SESTD1: variants seen among roughly 807,000 people sequenced by gnomAD.
SESTD1 encodes the protein SEC14 and spectrin domain containing 1.
Under a neutral mutation model 101.7 loss-of-function variants are expected in SESTD1, and 43 were observed. The ratio of observed to expected loss-of-function variants is 0.42; its 90% CI spans 0.33 to 0.55. The LOEUF is 0.55. Ranked by LOEUF, SESTD1 falls within the 20% of genes least tolerant of loss-of-function variation. SESTD1 has a pLI of 0.07. For missense variants in SESTD1, 647 were observed against 815.1 expected (o/e 0.79, Z 2.51); for synonymous variants, 283 against 286.8 (o/e 0.99, Z 0.13).
At chr2:179,240,753 C>T (rs1406169302) in intron 1 of SESTD1, among the ~76,000 whole-genome samples, 2 of 152,120 alleles carry the variant, frequency 1.3e-5, no homozygotes, top group Non-Finnish European at 2.9e-5. Flanking sequence ...TGTAAGGAGG[C>T]ATATAACACC....
chr2:179,149,682 G>A lies in SESTD1; in HGVS notation c.484-288C>T, dbSNP rs536724281. Among the ~76,000 whole-genome samples the A allele has an allele frequency of 3.9e-5, 6 of 152,154 alleles. No individual in the cohort carries two copies. In the South Asian group the frequency reaches 8.3e-4, roughly 21 times the overall value. On this transcript the variant is annotated intron_variant, in intron 6 of 17. Coordinates refer to ENST00000428443, the MANE Select transcript of SESTD1 (RefSeq NM_178123.5). ...TGTTTCTTTGAGAAACATTTGCATC[G>A]ATAACAGTTCTAACTACATACATGT...
chr2:179,162,603 G>A (rs1262381355), intron 5 of SESTD1: 1 of 152,038 alleles, frequency 6.6e-6, no homozygotes, highest in Non-Finnish European at 1.5e-5. Context: ...ATGCAGTGGT[G>A]GGTTTGTATC....
intron 1 of SESTD1, among the ~76,000 whole-genome samples, chr2:179,261,813 G>T (rs747578294): frequency 6.6e-6 from 1 of 152,124 alleles, no homozygotes; most frequent in Non-Finnish European, 1.5e-5. Context: ...AAACAGTCAA[G>T]CAGTTCCTCA....
chr2:179,197,496 A>G (rs1301384404), intron 1 of SESTD1, among the ~76,000 whole-genome samples: 1 of 152,178 alleles, frequency 6.6e-6, no homozygotes, highest in Non-Finnish European at 1.5e-5. Context: ...CAACCCCAAG[A>G]CACGTAATTG....
At chr2:179,188,612 C>A (rs1427010257) in intron 2 of SESTD1, among the ~76,000 whole-genome samples, 1 of 152,046 alleles carries the variant, frequency 6.6e-6, no homozygotes, top group African/African-American at 2.4e-5. Flanking sequence ...GATCTCCACC[C>A]TAGACTGAGT....
chr2:179,164,566 G>A (rs2045801499), intron 5 of SESTD1, among the ~76,000 whole-genome samples: 1 of 152,128 alleles, frequency 6.6e-6, no homozygotes, highest in Non-Finnish European at 1.5e-5. Flanking sequence ...TGAAGGATAC[G>A]AAGTACTTGA....
chr2:179,257,505 G>A (rs1398235612), intron 1 of SESTD1, among the ~76,000 whole-genome samples: 1 of 152,150 alleles, frequency 6.6e-6, no homozygotes, highest in East Asian at 1.9e-4. Context: ...CGTGTGACTT[G>A]CTTTATTGAG....
At chr2:179,258,809 A>C (rs2105561753) in intron 1 of SESTD1, among the ~76,000 whole-genome samples, 1 of 152,328 alleles carries the variant, frequency 6.6e-6, no homozygotes, top group African/African-American at 2.4e-5. Flanking sequence ...TATTTAGATA[A>C]GGTGATTATG....
At chr2:179,166,258 G>T (rs1015533645) in intron 5 of SESTD1, among the ~76,000 whole-genome samples, 1 of 152,100 alleles carries the variant, frequency 6.6e-6, no homozygotes, top group South Asian at 2.1e-4. Flanking sequence ...AGAGGAATAA[G>T]AGATTTGAAA....
chr2:179,158,613 TA>T (rs966363085), intron 5 of SESTD1, among the ~76,000 whole-genome samples: 1 of 152,144 alleles, frequency 6.6e-6, no homozygotes, highest in Non-Finnish European at 1.5e-5. Context: ...ATAATTTTTT[TA>T]AAAAAATTGA....
chr2:179,166,165 T>C lies in SESTD1; in HGVS notation c.369+5955A>G, dbSNP rs113780347. On this transcript the variant is annotated intron_variant, in intron 5 of 17. Coordinates refer to ENST00000428443, the MANE Select transcript of SESTD1 (RefSeq NM_178123.5). ...GAAAGTACAGAACCCATGGGAAGTA[T>C]AGACACAAGAATTCATACTCACTTG... Among the ~76,000 whole-genome samples, 358 of 152,212 alleles carry C rather than the reference T, an allele frequency of 2.4e-3. 6 individuals carry two copies. The highest frequency in any genetic ancestry group is 8.1e-3 in the African/African-American group (336 of 41,526).
chr2:179,246,385 G>A (rs1033995485), intron 1 of SESTD1, among the ~76,000 whole-genome samples: 4 of 151,876 alleles, frequency 2.6e-5, no homozygotes, highest in South Asian at 2.1e-4. Flanking sequence ...AAATGTGTAC[G>A]CACCAAATAA....
chr2:179,197,811 G>C (rs376558065), intron 1 of SESTD1, among the ~76,000 whole-genome samples: 8 of 151,802 alleles, frequency 5.3e-5, no homozygotes, highest in Non-Finnish European at 2.9e-5. Flanking sequence ...TGAAGGAAGC[G>C]CTAAACATGG....
intron 9 of SESTD1, among the ~76,000 whole-genome samples, chr2:179,138,626 T>G (rs573091713): frequency 1.3e-5 from 2 of 152,106 alleles, no homozygotes; most frequent in East Asian, 3.9e-4. Context: ...AAATCAAAAC[T>G]ATACACAAAG....
At chr2:179,123,618 A>C in intron 12 of SESTD1, 97 bp downstream of exon 12, 1 of 722,154 alleles carries the variant, frequency 1.4e-6, no homozygotes, top group South Asian at 2.0e-5. Flanking sequence ...AAATAATACT[A>C]ATTAGTTCAG....
At chr2:179,249,650 G>A (rs890158265) in intron 1 of SESTD1, among the ~76,000 whole-genome samples, 1 of 151,756 alleles carries the variant, frequency 6.6e-6, no homozygotes, top group African/African-American at 2.4e-5. Context: ...TGTAAATACA[G>A]AAAAAAATTA....
chr2:179,111,153 C>T (rs190937025), intron 17 of SESTD1, among the ~76,000 whole-genome samples: 2 of 152,164 alleles, frequency 1.3e-5, no homozygotes, highest in Admixed American at 6.5e-5. Flanking sequence ...TGTAATTCTG[C>T]TACTAGCTGA....
chr2:179,179,684 G>A (rs192586875), intron 3 of SESTD1, among the ~76,000 whole-genome samples: 71 of 152,304 alleles, frequency 4.7e-4, no homozygotes, highest in Middle Eastern at 3.4e-3. Context: ...CTTTAAATAT[G>A]GAGTGCCTTT....
chr2:179,175,032 A>C (rs1301062940), intron 4 of SESTD1, among the ~76,000 whole-genome samples: 1 of 152,096 alleles, frequency 6.6e-6, no homozygotes, highest in African/African-American at 2.4e-5. Flanking sequence ...ATGGGTAGAA[A>C]ATTCAGAGAC....
Sources: gnomAD v4.1 joint callset for allele counts (sites outside exome capture counted in the v4.1 genomes callset) on GRCh38, gnomAD v4.1.1 for gene constraint, MANE v1.5 for transcripts, NCBI Gene and HGNC (gene_info 2026-07-23, HGNC 2026-07-21) for gene names.